U2AF2: variants seen among roughly 807,000 people sequenced by gnomAD.
U2AF2 encodes U2 small nuclear RNA auxiliary factor 2.
U2AF2 carries 6 observed loss-of-function variants against 52.6 expected under a neutral mutation model. That is an observed-to-expected ratio of 0.11 (90% CI 0.06 to 0.23). The LOEUF (loss-of-function observed/expected upper bound fraction) is 0.23, where lower values mean the gene tolerates loss of function less well. Among genes scored for constraint, U2AF2 ranks in the 10% least tolerant of loss-of-function variants. The pLI is 1.00. For missense variants in U2AF2, 222 were observed against 677.1 expected (o/e 0.33, Z 7.46); for synonymous variants, 284 against 258.2 (o/e 1.10, Z -0.96).
chr19:55,665,841 G>C (rs898602995), intron 7 of U2AF2, among the ~76,000 whole-genome samples: 1 of 152,176 alleles, frequency 6.6e-6, no homozygotes, highest in African/African-American at 2.4e-5. Flanking sequence ...TAGAGATGGG[G>C]TTTCACCATG....
intron 5 of U2AF2, 64 bp downstream of exon 5, chr19:55,661,253 C>G: frequency 1.4e-6 from 2 of 1,422,156 alleles, no homozygotes; most frequent in South Asian, 2.9e-5. Flanking sequence ...CCCCTTCCCT[C>G]CATTCCCTTT....
At chr19:55,670,074 C>T (rs565443863) in intron 11 of U2AF2, among the ~76,000 whole-genome samples, 2 of 152,160 alleles carry the variant, frequency 1.3e-5, no homozygotes, top group East Asian at 1.9e-4. Context: ...GGAACAGTCC[C>T]GAGACACCTG....
chr19:55,669,787 C>A, intron 11 of U2AF2, 95 bp downstream of exon 11: 1 of 1,450,360 alleles, frequency 6.9e-7, no homozygotes, highest in South Asian at 1.4e-5. Context: ...CCCTCTCCCC[C>A]TCCTCTTCTC....
chr19:55,673,702 C>A (rs765200493), intron 11 of U2AF2, among the ~76,000 whole-genome samples: 2 of 152,208 alleles, frequency 1.3e-5, no homozygotes, highest in Non-Finnish European at 2.9e-5. Flanking sequence ...TGGCATGTCT[C>A]TATTCTTTCT....
intron 7 of U2AF2, among the ~76,000 whole-genome samples, chr19:55,665,090 C>T (rs573958467): frequency 1.3e-5 from 2 of 152,330 alleles, no homozygotes; most frequent in East Asian, 1.9e-4. Context: ...TTGACATGCT[C>T]CCAATCGACA....
At chr19:55,661,017 C>A in intron 4 of U2AF2, 21 bp from the exon 5 acceptor site, 1 of 1,561,830 alleles carries the variant, frequency 6.4e-7, no homozygotes, top group Non-Finnish European at 8.7e-7. Flanking sequence ...GGGTTTTATC[C>A]GGCTTTTATT....
chr19:55,662,478 CCT>C (rs1366524101), intron 5 of U2AF2, 22 bp from the exon 6 acceptor site: 2 of 1,425,786 alleles, frequency 1.4e-6, no homozygotes, highest in East Asian at 2.4e-5. Flanking sequence ...CCGCCCCCCC[CCT>C]TGTCTCCTAT....
Position 55,673,831 on chromosome 19 carries a change from C to G in U2AF2, c.1294-103C>G, listed in dbSNP as rs984892672. Reference sequence around the variant, plus strand: ...TTTCTGACACCTGTGGCGAAGCCCCCTCCTCCCTGTCCCTTCCTGCCTTCA... The same window carrying G: ...TTTCTGACACCTGTGGCGAAGCCCCGTCCTCCCTGTCCCTTCCTGCCTTCA... On this transcript the variant is annotated intron_variant, in intron 11 of 11. Transcript: ENST00000308924. 4.0e-6 allele frequency: 6 copies of G among 1,486,898 alleles called. No homozygotes were observed. The African/African-American group carries it at 8.5e-5, about 21-fold the overall frequency. The allele number at this position is 1,486,898 out of a possible 1,614,324, so 92.1% of individuals were successfully genotyped here.
intron 10 of U2AF2, 30 bp downstream of exon 10, chr19:55,669,211 C>A: frequency 6.2e-7 from 1 of 1,610,980 alleles, no homozygotes; most frequent in South Asian, 1.1e-5. Flanking sequence ...CTTGAGGGAC[C>A]CTGGGGGTGG....
At chr19:55,662,261 C>T (rs1984259017) in intron 5 of U2AF2, 1 of 435,536 alleles carries the variant, frequency 2.3e-6, no homozygotes. Flanking sequence ...CAACGCCTGT[C>T]CATCGCCTGC....
chr19:55,674,402 C>T lies in U2AF2; in HGVS notation c.*334C>T. 4.0e-6 allele frequency: 1 copy of T among 249,654 alleles called. No individual in the cohort carries two copies. Among genetic ancestry groups the T allele is most frequent in the East Asian group, 9.5e-5 (1 of 10,566 alleles). The allele number at this position is 249,654 out of a possible 1,614,324, so 15.5% of individuals were successfully genotyped here. The stretch of plus-strand genomic sequence containing the variant: ...CTCCCAAAACAGCCTCTCCTTCTCC[C>T]ATAGACCCCTTTCTTCTCCCCTTCC... On this transcript the variant is annotated 3_prime_UTR_variant, in exon 12 of 12. Coordinates refer to ENST00000308924, the MANE Select transcript of U2AF2 (RefSeq NM_007279.3).
intron 4 of U2AF2, 64 bp from the exon 5 acceptor site, chr19:55,660,974 G>A (rs892304554): frequency 1.1e-4 from 168 of 1,521,144 alleles, no homozygotes; most frequent in Non-Finnish European, 1.4e-4. Context: ...CCCAGTGTGT[G>A]GTGAGGGGTG....
intron 1 of U2AF2, among the ~76,000 whole-genome samples, chr19:55,656,129 A>T (rs575600153): frequency 7.2e-5 from 11 of 152,314 alleles, no homozygotes; most frequent in African/African-American, 2.4e-4. Flanking sequence ...GATCTTAGGG[A>T]TTCCAATAAT....
chr19:55,655,374 G>T (rs769130733), intron 1 of U2AF2, among the ~76,000 whole-genome samples: 26 of 152,180 alleles, frequency 1.7e-4, no homozygotes, highest in Non-Finnish European at 3.4e-4. Flanking sequence ...TGACGCATGC[G>T]CACGGCGGCT....
chr19:55,664,081 G>C (rs1984390417), intron 7 of U2AF2: 2 of 260,668 alleles, frequency 7.7e-6, no homozygotes, highest in Non-Finnish European at 1.5e-5. Context: ...GGCTCAGTCT[G>C]TGCCCGTCGG....
intron 1 of U2AF2, among the ~76,000 whole-genome samples, chr19:55,658,541 A>G (rs1417137186): frequency 3.3e-5 from 5 of 152,042 alleles, no homozygotes; most frequent in Non-Finnish European, 5.9e-5. Context: ...TGAGAGATTC[A>G]AGTGGTTTGG....
At chr19:55,667,623 A>C (rs973434306) in intron 7 of U2AF2, among the ~76,000 whole-genome samples, 2 of 152,132 alleles carry the variant, frequency 1.3e-5, no homozygotes, top group African/African-American at 4.8e-5. Flanking sequence ...CAGTCAGCCC[A>C]CAGTTCCCAG....
In U2AF2 at chr19:55,668,618, C is replaced by A; in HGVS notation, c.822+32C>A. On this transcript the variant is annotated intron_variant, in intron 8 of 11. Transcript: ENST00000308924. The surrounding 1 kb of genome is among the most constrained non-coding windows in gnomAD (Gnocchi z 5.5). ...TCCCTGCCTCCCTCCAGACCCGTCC[C>A]CCCACCCCGCCCCACCTCATCCCAG... 1 of 1,595,858 alleles carries A rather than the reference C, an allele frequency of 6.3e-7. No individual in the cohort carries two copies. The highest frequency in any genetic ancestry group is 2.2e-5 in the East Asian group (1 of 44,466).
rs760147494 is a variant in U2AF2 at position 55,662,493 on chromosome 19, C to T, written c.487-9C>T. ...CCGCCCCCCCCCTTGTCTCCTATTCCCTCTGCAGGAGGCCATGATGGATTT... is the reference window on the plus strand; with the variant it reads ...CCGCCCCCCCCCTTGTCTCCTATTCTCTCTGCAGGAGGCCATGATGGATTT... On this transcript the variant is annotated splice_polypyrimidine_tract_variant and intron_variant, in intron 5 of 11. Coordinates refer to ENST00000308924, the MANE Select transcript of U2AF2 (RefSeq NM_007279.3). 3.6e-6 allele frequency: 5 copies of T among 1,372,144 alleles called. No homozygotes were observed. The highest frequency in any genetic ancestry group is 3.7e-5 in the Admixed American group (2 of 54,076). The allele number at this position is 1,372,144 out of a possible 1,614,324, so 85.0% of individuals were successfully genotyped here. A position where few individuals can be genotyped will look rare whatever the true frequency, so the allele number is the denominator to read the frequency against.
Sources: gnomAD v4.1 joint callset for allele counts (sites outside exome capture counted in the v4.1 genomes callset) on GRCh38, gnomAD v4.1.1 for gene constraint, Gnocchi (gnomAD v3.1) non-coding constraint, MANE v1.5 for transcripts, NCBI Gene and HGNC (gene_info 2026-07-23, HGNC 2026-07-21) for gene names.